FANK1: variants seen among roughly 807,000 people sequenced by gnomAD.
FANK1 encodes fibronectin type 3 and ankyrin repeat domains protein 1.
A neutral mutation model predicts 45.3 loss-of-function variants in FANK1; 44 were observed. The observed-to-expected ratio is 0.97, with a 90% confidence interval of 0.76 to 1.25. FANK1 has a LOEUF of 1.25. Ranked by LOEUF, FANK1 falls within the 50% of genes most tolerant of loss-of-function variation. The pLI, the probability that FANK1 is intolerant of heterozygous loss-of-function variation, is 0.00. For synonymous variants in FANK1, 149 were observed against 152.5 expected (o/e 0.98, Z 0.17); for missense variants, 391 against 424.4 (o/e 0.92, Z 0.69).
At position 125,933,654 on chromosome 10, in the gene FANK1, A is replaced by G. The variant is rs111674406; in HGVS notation, c.13+36999A>G. Among the ~76,000 whole-genome samples, 783 of 151,700 alleles carry G rather than the reference A, an allele frequency of 5.2e-3. 7 individuals carry two copies. The highest frequency in any genetic ancestry group is 0.018 in the African/African-American group (755 of 41,346). The stretch of plus-strand genomic sequence containing the variant: ...ATTTAGTTCTGCTCGGATCTTGGTA[A>G]TTTCCTTTCTTCTGCTGGGTTTGGG... On this transcript the variant is annotated intron_variant, in intron 1 of 10. Transcript: ENST00000368693.
intron 1 of FANK1, among the ~76,000 whole-genome samples, chr10:125,962,523 T>C (rs1367219517): frequency 6.6e-6 from 1 of 152,184 alleles, no homozygotes; most frequent in African/African-American, 2.4e-5. Flanking sequence ...TTTTTCTGTC[T>C]CCTTTGTTTT....
intron 6 of FANK1, among the ~76,000 whole-genome samples, chr10:126,003,783 C>CT: frequency 6.6e-6 from 1 of 151,992 alleles, no homozygotes; most frequent in Non-Finnish European, 1.5e-5. Context: ...TCAAGTGATT[C>CT]TCCTGCCTCA....
intron 1 of FANK1, among the ~76,000 whole-genome samples, chr10:125,918,319 A>G (rs1187407398): frequency 6.6e-6 from 1 of 152,032 alleles, no homozygotes; most frequent in African/African-American, 2.4e-5. Context: ...GCACTTTGGG[A>G]GGCTGAGGCA....
chr10:125,923,002 G>C (rs977445315), intron 1 of FANK1, among the ~76,000 whole-genome samples: 48 of 151,784 alleles, frequency 3.2e-4, no homozygotes, highest in African/African-American at 1.1e-3. Context: ...TTGTTTGGTT[G>C]GTTGGTTTCT....
intron 5 of FANK1, 95 bp downstream of exon 5, chr10:125,996,719 C>A (rs548699619): frequency 5.4e-4 from 639 of 1,177,856 alleles, no homozygotes; most frequent in Non-Finnish European, 6.6e-4. Context: ...GGAAAAAGGG[C>A]CATGGAGGAA....
chr10:125,961,894 C>T (rs1275200245), intron 1 of FANK1, among the ~76,000 whole-genome samples: 1 of 152,150 alleles, frequency 6.6e-6, no homozygotes, highest in African/African-American at 2.4e-5. Context: ...CAGTGAGCTA[C>T]TATCAAACTA....
chr10:125,998,190 A>T (rs1337949818), intron 6 of FANK1, among the ~76,000 whole-genome samples: 1 of 152,210 alleles, frequency 6.6e-6, no homozygotes, highest in East Asian at 1.9e-4. Context: ...CCCTGGCTTC[A>T]GGGGCTGTGG....
chr10:125,994,548 AG>A, intron 3 of FANK1: 1 of 985,396 alleles, frequency 1.0e-6, no homozygotes, highest in Non-Finnish European at 1.2e-6. Flanking sequence ...CCCCAACAAC[AG>A]GTTGTGTGCT....
chr10:125,997,106 A>G (rs1952391013), intron 5 of FANK1, among the ~76,000 whole-genome samples: 1 of 152,200 alleles, frequency 6.6e-6, no homozygotes, highest in Non-Finnish European at 1.5e-5. Context: ...ATTACATGCT[A>G]CCATTTAAGA....
At position 125,988,596 on chromosome 10, in the gene FANK1, G is replaced by A. The variant is rs371738419; in HGVS notation, c.237G>A (p.Thr79=). The change falls in exon 3 of 11, where the codon ACG becomes ACA. Residue 79 remains threonine, a synonymous_variant. Coordinates refer to ENST00000368693, the MANE Select transcript of FANK1 (RefSeq NM_145235.5). ...KHVVEGLEPR[T]LYRFRLKVTS... is the part of the protein sequence containing the mutation. Reference sequence around the variant, plus strand: ...TTGTTGAAGGTCTGGAACCAAGGACGCTGTACAGATTTCGCCTGAAGGTCA... The same window carrying A: ...TTGTTGAAGGTCTGGAACCAAGGACACTGTACAGATTTCGCCTGAAGGTCA... 8.1e-6 allele frequency: 13 copies of A among 1,614,104 alleles called. No individual in the cohort carries two copies. The Admixed American group carries it at 1.2e-4, about 14-fold the overall frequency.
At chr10:125,924,010 A>C (rs113772852) in intron 1 of FANK1, among the ~76,000 whole-genome samples, 2 of 151,968 alleles carry the variant, frequency 1.3e-5, no homozygotes, top group African/African-American at 4.8e-5. Context: ...CAGCACTTTG[A>C]GAGGCAAAGG....
chr10:125,965,546 G>C (rs1051443941), intron 1 of FANK1, among the ~76,000 whole-genome samples: 1 of 152,200 alleles, frequency 6.6e-6, no homozygotes, highest in African/African-American at 2.4e-5. Flanking sequence ...AAAGAGCACA[G>C]ATTTTGGAGT....
At chr10:125,937,504 A>G (rs868215505) in intron 1 of FANK1, among the ~76,000 whole-genome samples, 3 of 152,190 alleles carry the variant, frequency 2.0e-5, no homozygotes, top group Non-Finnish European at 2.9e-5. Context: ...AAAGACCTCT[A>G]TCAACTTTTT....
At chr10:125,986,422 G>A (rs1951562854) in intron 2 of FANK1, among the ~76,000 whole-genome samples, 1 of 152,176 alleles carries the variant, frequency 6.6e-6, no homozygotes, top group East Asian at 1.9e-4. Context: ...AACATCAAGT[G>A]AAGAAAGTCT....
intron 6 of FANK1, among the ~76,000 whole-genome samples, chr10:125,999,915 C>T (rs1304581923): frequency 6.6e-6 from 1 of 152,130 alleles, no homozygotes; most frequent in Non-Finnish European, 1.5e-5. Context: ...TGATTTATTT[C>T]CTGTAGAACC....
intron 1 of FANK1, among the ~76,000 whole-genome samples, chr10:125,962,508 G>A (rs1009274320): frequency 6.6e-6 from 1 of 152,000 alleles, no homozygotes; most frequent in Admixed American, 6.6e-5. Flanking sequence ...TTTATTCTCA[G>A]TCATTTTTTC....
intron 6 of FANK1, among the ~76,000 whole-genome samples, chr10:126,001,650 C>A (rs1216005339): frequency 6.6e-6 from 1 of 152,144 alleles, no homozygotes; most frequent in Admixed American, 6.5e-5. Flanking sequence ...CCCATGGGTG[C>A]CAGGCAGTTT....
At position 125,993,565 on chromosome 10, in the gene FANK1, G is replaced by A. The variant is rs1324587799; in HGVS notation, c.317-1852G>A. ...TAGATGCCAGTGCTCCATCCCCTTC[G>A]TTGTGGCAATCAAAAATGTCACCAG... is the stretch of plus-strand genomic sequence containing the variant. On this transcript the variant is annotated intron_variant, in intron 3 of 10. Transcript: ENST00000368693. Among the ~76,000 whole-genome samples, 6 of 152,108 alleles carry A rather than the reference G, an allele frequency of 3.9e-5. No homozygotes were observed. The East Asian group carries it at 7.7e-4, about 20-fold the overall frequency.
chr10:125,985,309 A>G (rs1951480922), intron 2 of FANK1, among the ~76,000 whole-genome samples: 3 of 152,324 alleles, frequency 2.0e-5, no homozygotes, highest in South Asian at 2.1e-4. Flanking sequence ...GATGCCACAC[A>G]TTATTGAGGG....
Sources: gnomAD v4.1 joint callset for allele counts (sites outside exome capture counted in the v4.1 genomes callset) on GRCh38, gnomAD v4.1.1 for gene constraint, MANE v1.5 for transcripts, NCBI Gene and HGNC (gene_info 2026-07-23, HGNC 2026-07-21) for gene names.